Variants in LRRC4C observed in about 807,000 individuals in gnomAD.
LRRC4C encodes leucine-rich repeat-containing protein 4C.
In LRRC4C, 5 loss-of-function variants were observed where a neutral mutation model predicts 33.6. That is an observed-to-expected ratio of 0.15 (90% CI 0.08 to 0.31). The LOEUF (loss-of-function observed/expected upper bound fraction) is 0.31. Among genes scored for constraint, LRRC4C ranks in the 10% least tolerant of loss-of-function variants. LRRC4C has a pLI of 1.00. For missense variants in LRRC4C, 560 were observed against 796.7 expected (o/e 0.70, Z 3.58); for synonymous variants, 329 against 302.0 (o/e 1.09, Z -0.93).
intron 1 of LRRC4C, among the ~76,000 whole-genome samples, chr11:41,170,980 G>A (rs959673583): frequency 1.3e-5 from 2 of 152,062 alleles, no homozygotes; most frequent in African/African-American, 4.8e-5. Context: ...AGACATTTAT[G>A]CAGCCAAAAA....
chr11:41,000,976 G>T (rs780611904), intron 1 of LRRC4C, among the ~76,000 whole-genome samples: 3 of 152,074 alleles, frequency 2.0e-5, no homozygotes, highest in Non-Finnish European at 4.4e-5. Context: ...TGTGCTAAAA[G>T]ATTTAAATAT....
intron 3 of LRRC4C, among the ~76,000 whole-genome samples, chr11:40,644,701 G>A (rs1942331922): frequency 1.3e-5 from 2 of 152,150 alleles, no homozygotes; most frequent in South Asian, 4.1e-4. Flanking sequence ...TAACATTCTT[G>A]TAATGACAAA....
At chr11:40,973,687 A>G (rs1463056322) in intron 1 of LRRC4C, among the ~76,000 whole-genome samples, 1 of 152,232 alleles carries the variant, frequency 6.6e-6, no homozygotes, top group Non-Finnish European at 1.5e-5. Flanking sequence ...AAAAATCATC[A>G]TTTAGAAATA....
At chr11:40,448,575 T>C (rs559063584) in intron 3 of LRRC4C, among the ~76,000 whole-genome samples, 37 of 152,316 alleles carry the variant, frequency 2.4e-4, no homozygotes, top group African/African-American at 8.7e-4. Flanking sequence ...GCAAAGGACA[T>C]GAACTCATCC....
intron 1 of LRRC4C, among the ~76,000 whole-genome samples, chr11:41,407,971 A>T (rs1482828772): frequency 6.6e-6 from 1 of 152,182 alleles, no homozygotes; most frequent in Non-Finnish European, 1.5e-5. Context: ...CTGTGAGGGT[A>T]GTCCAGATTG....
intron 1 of LRRC4C, among the ~76,000 whole-genome samples, chr11:41,088,686 T>C (rs998647713): frequency 6.6e-6 from 1 of 152,106 alleles, no homozygotes; most frequent in African/African-American, 2.4e-5. Flanking sequence ...AATAGGACAC[T>C]GGTAATTGAT....
chr11:41,310,583 A>T (rs1386612882), intron 1 of LRRC4C, among the ~76,000 whole-genome samples: 1 of 152,236 alleles, frequency 6.6e-6, no homozygotes, highest in Non-Finnish European at 1.5e-5. Flanking sequence ...AAATTACTCC[A>T]TTCAACTGCT....
chr11:40,179,815 G>A (rs1239330181), intron 5 of LRRC4C, among the ~76,000 whole-genome samples: 1 of 152,192 alleles, frequency 6.6e-6, no homozygotes, highest in African/African-American at 2.4e-5. Context: ...TTAGATATAG[G>A]AGCTGAATGG....
At chr11:40,747,991 A>G (rs1213516008) in intron 2 of LRRC4C, among the ~76,000 whole-genome samples, 2 of 152,180 alleles carry the variant, frequency 1.3e-5, no homozygotes, top group Non-Finnish European at 2.9e-5. Context: ...CTAGTTAACA[A>G]AAATAGGATG....
At chr11:41,280,830 G>T (rs1026696025) in intron 1 of LRRC4C, among the ~76,000 whole-genome samples, 6 of 151,980 alleles carry the variant, frequency 3.9e-5, no homozygotes, top group African/African-American at 1.5e-4. Context: ...TTGTTGAAAG[G>T]CTAGCTAAGT....
At chr11:41,336,438 T>C (rs1591296364) in intron 1 of LRRC4C, among the ~76,000 whole-genome samples, 2 of 115,942 alleles carry the variant, frequency 1.7e-5, no homozygotes, top group Admixed American at 9.0e-5. Flanking sequence ...AAATAAAAGG[T>C]GGGGAAAAAA....
intron 2 of LRRC4C, among the ~76,000 whole-genome samples, chr11:40,709,225 G>A (rs1946336204): frequency 6.6e-6 from 1 of 152,152 alleles, no homozygotes. Flanking sequence ...ATATTGTTAA[G>A]TGTGAATTTG....
intron 6 of LRRC4C, among the ~76,000 whole-genome samples, chr11:40,129,768 A>G (rs1419519362): frequency 2.0e-5 from 3 of 152,188 alleles, no homozygotes; most frequent in African/African-American, 7.2e-5. Context: ...TAATTCTACT[A>G]TCACAATCTA....
chr11:40,158,871 T>C (rs1417064341), intron 5 of LRRC4C, among the ~76,000 whole-genome samples: 2 of 152,152 alleles, frequency 1.3e-5, no homozygotes, highest in Admixed American at 6.6e-5. Context: ...TGTGGATTAA[T>C]AGTAGGAAAA....
intron 3 of LRRC4C, among the ~76,000 whole-genome samples, chr11:40,437,397 C>CT (rs755579650): frequency 1.9e-3 from 275 of 144,028 alleles, no homozygotes; most frequent in South Asian, 3.9e-3. Flanking sequence ...TTCTTTTTTT[C>CT]TTTTTTTTTT....
At position 40,215,965 on chromosome 11, in the gene LRRC4C, A is replaced by AGCT. The variant is rs377380406; in HGVS notation, c.-96+25551_-96+25553dup. ...AATACTGAGAGGGAAAAGATCTGTG[A>AGCT]GCTGAGAAACATGGCCTTCTTTGTT... On this transcript the variant is annotated intron_variant, in intron 5 of 6. Coordinates refer to ENST00000528697, the MANE Select transcript of LRRC4C (RefSeq NM_001258419.2). Among the ~76,000 whole-genome samples the AGCT allele has an allele frequency of 1.0e-3, 157 of 152,310 alleles. 1 individual carries two copies. In the South Asian group the frequency reaches 0.011, roughly 10 times the overall value.
chr11:40,208,575 G>A (rs990201745), intron 5 of LRRC4C, among the ~76,000 whole-genome samples: 1 of 151,540 alleles, frequency 6.6e-6, no homozygotes, highest in Non-Finnish European at 1.5e-5. Flanking sequence ...AACAAGCAGG[G>A]GAAAAAAAAG....
chr11:40,817,828 T>C (rs1565096808), intron 2 of LRRC4C, among the ~76,000 whole-genome samples: 1 of 152,176 alleles, frequency 6.6e-6, no homozygotes, highest in Non-Finnish European at 1.5e-5. Context: ...CACTTTTCCC[T>C]AACTTTATCA....
At chr11:41,089,129 C>T (rs1460112407) in intron 1 of LRRC4C, among the ~76,000 whole-genome samples, 1 of 151,856 alleles carries the variant, frequency 6.6e-6, no homozygotes, top group East Asian at 1.9e-4. Flanking sequence ...TCCCCATAGA[C>T]CAGGAACTAT....
Sources: gnomAD v4.1 joint callset for allele counts (sites outside exome capture counted in the v4.1 genomes callset) on GRCh38, gnomAD v4.1.1 for gene constraint, MANE v1.5 for transcripts, NCBI Gene and HGNC (gene_info 2026-07-23, HGNC 2026-07-21) for gene names.